The following ADCY2 variants were observed in gnomAD, a reference collection of about 807,000 sequenced individuals.
ADCY2 encodes the protein adenylate cyclase 2.
A neutral mutation model predicts 125.2 loss-of-function variants in ADCY2; 31 were observed. The observed-to-expected ratio is 0.25, with a 90% CI of 0.19 to 0.33. The LOEUF is 0.33. Ranked by LOEUF, ADCY2 falls within the 10% of genes least tolerant of loss-of-function variation. ADCY2 has a pLI of 1.00. For missense variants in ADCY2, 904 were observed against 1,418.2 expected, an observed-to-expected ratio of 0.64 and a Z score of 5.82; for synonymous variants, 512 against 548.4, an observed-to-expected ratio of 0.93 and a Z score of 0.93.
intron 22 of ADCY2, among the ~76,000 whole-genome samples, chr5:7,805,979 C>G (rs73737635): frequency 6.6e-6 from 1 of 151,494 alleles, no homozygotes; most frequent in East Asian, 1.9e-4. Flanking sequence ...ATAAAAGAAA[C>G]AAGCCATAAA....
intron 3 of ADCY2, among the ~76,000 whole-genome samples, chr5:7,535,849 C>T (rs1048972656): frequency 2.0e-5 from 3 of 152,124 alleles, no homozygotes; most frequent in East Asian, 1.9e-4. Context: ...TAGAAAGTAT[C>T]GTGGCTGGTG....
At position 7,724,633 on chromosome 5, in the gene ADCY2, C is replaced by G; in HGVS notation, c.1773+19C>G. On this transcript the variant is annotated intron_variant, in intron 13 of 24. Transcript: ENST00000338316. ...AAAAGAGGTAAGTTTTTTTCTTCTT[C>G]AAAATCATCAATCGAGTTTTCTGAA... is the stretch of plus-strand genomic sequence containing the variant. 2 of 1,503,132 alleles carry G rather than the reference C, an allele frequency of 1.3e-6. No individual in the cohort carries two copies. Among genetic ancestry groups the G allele is most frequent in the Non-Finnish European group, 1.8e-6 (2 of 1,100,880 alleles). The allele number at this position is 1,503,132 out of a possible 1,614,324, so 93.1% of individuals were successfully genotyped here.
intron 11 of ADCY2, among the ~76,000 whole-genome samples, chr5:7,714,924 G>A (rs1741550462): frequency 6.6e-6 from 1 of 152,234 alleles, no homozygotes; most frequent in South Asian, 2.1e-4. Context: ...ATGGGCCTGG[G>A]GAAGGAGCCA....
chr5:7,599,886 T>C (rs1208362153), intron 3 of ADCY2, among the ~76,000 whole-genome samples: 1 of 152,140 alleles, frequency 6.6e-6, no homozygotes, highest in Non-Finnish European at 1.5e-5. Flanking sequence ...AAAATGCTCC[T>C]GGGATTTGGC....
In ADCY2 at chr5:7,709,128, C is replaced by A; in HGVS notation, c.1402-83C>A. ...ATAGAGGGCTGTCAGGAGGAATGAC[C>A]CTAGTCCAATGAGGTCGATGCCAAA... On this transcript the variant is annotated intron_variant, in intron 9 of 24. Coordinates refer to ENST00000338316, the MANE Select transcript of ADCY2 (RefSeq NM_020546.3). This position sits in a 1 kb window ranked among gnomAD's most constrained non-coding sequence, Gnocchi z 4.4. 7.2e-7 allele frequency: 1 copy of A among 1,379,562 alleles called. No individual in the cohort carries two copies. The highest frequency in any genetic ancestry group is 1.5e-5 in the African/African-American group (1 of 67,952). The allele number at this position is 1,379,562 out of a possible 1,614,324, so 85.5% of individuals were successfully genotyped here.
At chr5:7,410,474 G>C (rs1305013592) in intron 1 of ADCY2, among the ~76,000 whole-genome samples, 1 of 152,160 alleles carries the variant, frequency 6.6e-6, no homozygotes. Flanking sequence ...GCAATTAGAA[G>C]CCATCTGAAA....
intron 14 of ADCY2, among the ~76,000 whole-genome samples, chr5:7,743,095 A>G (rs1742488274): frequency 6.6e-6 from 1 of 152,170 alleles, no homozygotes; most frequent in African/African-American, 2.4e-5. Context: ...TGTTTTTCAC[A>G]TGATCATGGG....
chr5:7,767,995 C>T (rs999113199), intron 17 of ADCY2, among the ~76,000 whole-genome samples: 5 of 151,368 alleles, frequency 3.3e-5, no homozygotes, highest in Non-Finnish European at 7.4e-5. Context: ...CGTGCCACTG[C>T]ACTCCAGCCT....
At chr5:7,408,582 G>A (rs1739590417) in intron 1 of ADCY2, among the ~76,000 whole-genome samples, 1 of 151,570 alleles carries the variant, frequency 6.6e-6, no homozygotes, top group Non-Finnish European at 1.5e-5. Context: ...TGGCCAGCCT[G>A]GGCTCGAACT....
intron 18 of ADCY2, 97 bp from the exon 19 acceptor site, chr5:7,784,268 C>T (rs1456209865): frequency 2.3e-6 from 2 of 883,726 alleles, no homozygotes; most frequent in African/African-American, 1.7e-5. Flanking sequence ...TAGACAGGCA[C>T]TAGAGAATCT....
At chr5:7,770,886 G>A (rs1560973318) in intron 17 of ADCY2, among the ~76,000 whole-genome samples, 1 of 152,086 alleles carries the variant, frequency 6.6e-6, no homozygotes, top group Non-Finnish European at 1.5e-5. Context: ...ACAGACTAAT[G>A]CTTTTGAAAA....
intron 2 of ADCY2, among the ~76,000 whole-genome samples, chr5:7,417,876 G>T (rs1057016187): frequency 6.6e-6 from 1 of 152,214 alleles, no homozygotes; most frequent in Non-Finnish European, 1.5e-5. Context: ...TTAGCAGAAT[G>T]CTGTCCAGCC....
chr5:7,563,966 T>A (rs12186499), intron 3 of ADCY2, among the ~76,000 whole-genome samples: 49,959 of 152,164 alleles, frequency 0.33, 9,006 homozygotes, highest in Non-Finnish European at 0.4. Context: ...CCCAATCACT[T>A]CCCATATGGA....
At chr5:7,520,579 T>C (rs1015703468) in intron 2 of ADCY2, among the ~76,000 whole-genome samples, 159 bp from the exon 3 acceptor site, 4 of 152,200 alleles carry the variant, frequency 2.6e-5, no homozygotes, top group Admixed American at 1.3e-4. Context: ...TGTAATCCAG[T>C]GGACTTATTT....
intron 3 of ADCY2, among the ~76,000 whole-genome samples, chr5:7,548,070 A>G (rs1457431990): frequency 3.3e-5 from 5 of 152,300 alleles, no homozygotes; most frequent in Middle Eastern, 3.4e-3. Flanking sequence ...TTCCATTGAC[A>G]CCTGCCCATT....
At chr5:7,397,451 T>TG (rs1450372558) in intron 1 of ADCY2, among the ~76,000 whole-genome samples, 1 of 141,418 alleles carries the variant, frequency 7.1e-6, no homozygotes, top group Non-Finnish European at 1.5e-5. Context: ...GTGAGTTTTT[T>TG]TTTTTTTTTT....
intron 4 of ADCY2, among the ~76,000 whole-genome samples, chr5:7,638,150 T>A (rs1239274398): frequency 1.3e-5 from 2 of 152,184 alleles, no homozygotes; most frequent in Non-Finnish European, 2.9e-5. Flanking sequence ...TAGCAAATCG[T>A]GTTTGGCCTC....
intron 2 of ADCY2, among the ~76,000 whole-genome samples, chr5:7,496,039 G>A (rs970028257): frequency 2.6e-5 from 4 of 152,232 alleles, no homozygotes; most frequent in Admixed American, 2.0e-4. Flanking sequence ...CAAGATTAAA[G>A]TGTGAATGGC....
chr5:7,430,655 C>T (rs1000253650), intron 2 of ADCY2, among the ~76,000 whole-genome samples: 2 of 150,796 alleles, frequency 1.3e-5, no homozygotes, highest in Admixed American at 6.6e-5. Flanking sequence ...AATCAATTTT[C>T]GTGATTCACC....
Sources: allele counts gnomAD v4.1 joint callset (sites outside exome capture counted in the v4.1 genomes callset), GRCh38; gene constraint gnomAD v4.1.1; non-coding constraint Gnocchi (gnomAD v3.1); transcripts MANE v1.5; gene names NCBI Gene and HGNC (gene_info 2026-07-23, HGNC 2026-07-21).